The following ZCCHC7 variants were observed in gnomAD, a reference collection of about 807,000 sequenced individuals.
ZCCHC7 encodes the protein zinc finger CCHC-type containing 7.
In ZCCHC7, 35 loss-of-function variants were observed where a neutral mutation model predicts 52.0. That is an observed-to-expected ratio of 0.67 (90% CI 0.51 to 0.89). The LOEUF (loss-of-function observed/expected upper bound fraction) is 0.89, where lower values mean the gene tolerates loss of function less well. Among genes scored for constraint, ZCCHC7 ranks in the 40% least tolerant of loss-of-function variants. The pLI is 0.00. For synonymous variants in ZCCHC7, 217 were observed against 221.5 expected, an observed-to-expected ratio of 0.98 and a Z score of 0.18; for missense variants, 574 against 649.1, an observed-to-expected ratio of 0.88 and a Z score of 1.26.
At chr9:37,222,539 TAAATG>T (rs1162390982) in intron 2 of ZCCHC7, among the ~76,000 whole-genome samples, 1 of 152,078 alleles carries the variant, frequency 6.6e-6, no homozygotes, top group African/African-American at 2.4e-5. Flanking sequence ...CTATTAATAT[TAAATG>T]AAACTATAAA....
chr9:37,135,054 A>G (rs969235259), intron 2 of ZCCHC7, among the ~76,000 whole-genome samples: 4 of 152,070 alleles, frequency 2.6e-5, no homozygotes, highest in Non-Finnish European at 4.4e-5. Context: ...GTGGCATACT[A>G]TCTACTCTTT....
At chr9:37,166,336 G>A (rs957000142) in intron 2 of ZCCHC7, among the ~76,000 whole-genome samples, 3 of 152,088 alleles carry the variant, frequency 2.0e-5, no homozygotes, top group Admixed American at 2.0e-4. Flanking sequence ...GCAGAGGTTT[G>A]CAGTGAGCCG....
intron 2 of ZCCHC7, among the ~76,000 whole-genome samples, chr9:37,170,730 A>C (rs1035622951): frequency 1.3e-5 from 2 of 152,070 alleles, no homozygotes; most frequent in Non-Finnish European, 2.9e-5. Flanking sequence ...CTCTAAGTCT[A>C]CTCTAATGAC....
chr9:37,228,135 T>G (rs1351128500), intron 2 of ZCCHC7, among the ~76,000 whole-genome samples: 1 of 152,148 alleles, frequency 6.6e-6, no homozygotes, highest in Non-Finnish European at 1.5e-5. Context: ...TCAGATACAG[T>G]GGACTATGTA....
intron 2 of ZCCHC7, among the ~76,000 whole-genome samples, chr9:37,236,171 T>C (rs1262330251): frequency 6.6e-6 from 1 of 152,180 alleles, no homozygotes; most frequent in Non-Finnish European, 1.5e-5. Flanking sequence ...CTCATCAGCA[T>C]TGTATAAGGG....
Position 37,206,785 on chromosome 9 carries a change from A to T in ZCCHC7, c.610+79843A>T, listed in dbSNP as rs1485111192. On this transcript the variant is annotated intron_variant, in intron 2 of 8. Coordinates refer to ENST00000336755, the MANE Select transcript of ZCCHC7 (RefSeq NM_032226.3). ...GTCTGGTTTGACTACCTCCTCCCTTACAAGGTGGCCAGGAAACCTTCTCAA... is the reference window on the plus strand; with the variant it reads ...GTCTGGTTTGACTACCTCCTCCCTTTCAAGGTGGCCAGGAAACCTTCTCAA... 2.0e-5 allele frequency among the ~76,000 whole-genome samples: 3 copies of T among 152,058 alleles called. No homozygotes were observed. In the East Asian group the frequency reaches 5.8e-4, roughly 29 times the overall value.
intron 2 of ZCCHC7, among the ~76,000 whole-genome samples, chr9:37,146,781 T>G (rs986242116): frequency 5.9e-5 from 9 of 151,920 alleles, no homozygotes; most frequent in African/African-American, 2.2e-4. Context: ...TTCTCATTAC[T>G]TGGTGTTTGA....
chr9:37,315,658 A>G (rs1829785673), intron 5 of ZCCHC7, among the ~76,000 whole-genome samples: 1 of 151,766 alleles, frequency 6.6e-6, no homozygotes, highest in Non-Finnish European at 1.5e-5. Context: ...TTTTTAAATT[A>G]TTTCATCAGT....
chr9:37,142,003 A>G (rs948836756), intron 2 of ZCCHC7, among the ~76,000 whole-genome samples: 1 of 151,870 alleles, frequency 6.6e-6, no homozygotes, highest in Admixed American at 6.6e-5. Flanking sequence ...ATATTTTTTC[A>G]TTAATATTCA....
chr9:37,129,861 A>C (rs1842699232), intron 2 of ZCCHC7, among the ~76,000 whole-genome samples: 4 of 152,200 alleles, frequency 2.6e-5, no homozygotes, highest in Admixed American at 2.6e-4. Context: ...TCAATTGCTA[A>C]ATCATCAAAC....
At chr9:37,348,210 C>G (rs1588705466) in intron 6 of ZCCHC7, among the ~76,000 whole-genome samples, 1 of 152,150 alleles carries the variant, frequency 6.6e-6, no homozygotes, top group Non-Finnish European at 1.5e-5. Context: ...TCAACTTTGC[C>G]TCTAAACTTG....
At chr9:37,279,229 G>T (rs1827830969) in intron 2 of ZCCHC7, among the ~76,000 whole-genome samples, 1 of 151,640 alleles carries the variant, frequency 6.6e-6, no homozygotes, top group African/African-American at 2.4e-5. Flanking sequence ...AAGTAACATT[G>T]GGTGATTTAT....
At chr9:37,176,054 TTTTGTTTGTTTG>T (rs144557198) in intron 2 of ZCCHC7, among the ~76,000 whole-genome samples, 1 of 151,620 alleles carries the variant, frequency 6.6e-6, no homozygotes, top group Non-Finnish European at 1.5e-5. Flanking sequence ...CCTCATTTGT[TTTTGTTTGTTTG>T]TTTGTTTGTT....
At chr9:37,215,115 C>G (rs1244749243) in intron 2 of ZCCHC7, among the ~76,000 whole-genome samples, 1 of 152,034 alleles carries the variant, frequency 6.6e-6, no homozygotes, top group African/African-American at 2.4e-5. Context: ...TAAATTAAAA[C>G]TTTAAATACC....
intron 2 of ZCCHC7, among the ~76,000 whole-genome samples, chr9:37,277,834 T>C (rs308494): frequency 0.082 from 12,438 of 152,092 alleles, 1,408 homozygotes; most frequent in African/African-American, 0.25. Flanking sequence ...AGGAACATAA[T>C]GGAATCCATA....
rs1463247199 is a variant in ZCCHC7 at position 37,188,495 on chromosome 9, TC to T, written c.610+61559del. Among the ~76,000 whole-genome samples the T allele has an allele frequency of 8.1e-3, 201 of 24,828 alleles. 3 individuals carry two copies. Among genetic ancestry groups the T allele is most frequent in the African/African-American group, 0.029 (178 of 6,110 alleles). 16.3% of individuals were successfully genotyped at this position (24,828 alleles called of 152,430 possible). On this transcript the variant is annotated intron_variant, in intron 2 of 8. Transcript: ENST00000336755. ...CTCTCATCTTCTCTCCCCCTACCCCTCCCCCCTTCCTTCCCCCTCCCCCCTC... is the reference window on the plus strand; with the variant it reads ...CTCTCATCTTCTCTCCCCCTACCCCTCCCCCTTCCTTCCCCCTCCCCCCTC...
At chr9:37,162,701 A>G (rs1164978284) in intron 2 of ZCCHC7, among the ~76,000 whole-genome samples, 1 of 152,228 alleles carries the variant, frequency 6.6e-6, no homozygotes, top group Non-Finnish European at 1.5e-5. Context: ...GTATGGATAG[A>G]TGCTTTCTTC....
chr9:37,350,607 A>C (rs911966120), intron 7 of ZCCHC7, among the ~76,000 whole-genome samples: 1 of 152,200 alleles, frequency 6.6e-6, no homozygotes, highest in African/African-American at 2.4e-5. Context: ...CATATTCCCT[A>C]ACCCCAGCTG....
chr9:37,171,224 T>C (rs987586304), intron 2 of ZCCHC7, among the ~76,000 whole-genome samples: 1 of 152,210 alleles, frequency 6.6e-6, no homozygotes, highest in Non-Finnish European at 1.5e-5. Flanking sequence ...TGCTCTTTCA[T>C]TGGCCCTTGT....
Sources: allele counts gnomAD v4.1 joint callset (sites outside exome capture counted in the v4.1 genomes callset), GRCh38; gene constraint gnomAD v4.1.1; transcripts MANE v1.5; gene names NCBI Gene and HGNC (gene_info 2026-07-23, HGNC 2026-07-21).